The following PPP1R12B variants were observed in gnomAD, a reference collection of about 807,000 sequenced individuals.
PPP1R12B encodes the protein myosin phosphatase target subunit 2.
A neutral mutation model predicts 126.1 loss-of-function variants in PPP1R12B; 76 were observed. The observed-to-expected ratio is 0.60, with a 90% CI of 0.50 to 0.73. The LOEUF (loss-of-function observed/expected upper bound fraction) is 0.73. Among genes scored for constraint, PPP1R12B ranks in the 30% least tolerant of loss-of-function variants. The probability of loss-of-function intolerance (pLI) is 0.00; values close to 1 mark genes in which losing one functional copy is unlikely to be tolerated. For missense variants in PPP1R12B, 1,052 were observed against 1,205.1 expected, an observed-to-expected ratio of 0.87 and a Z score of 1.88; for synonymous variants, 356 against 434.7, an observed-to-expected ratio of 0.82 and a Z score of 2.25.
At chr1:202,383,969 A>G (rs1662745038) in intron 1 of PPP1R12B, among the ~76,000 whole-genome samples, 3 of 152,160 alleles carry the variant, frequency 2.0e-5, no homozygotes, top group Admixed American at 6.6e-5. Context: ...TTGATACATA[A>G]TGTTGAAATA....
In PPP1R12B at chr1:202,524,857, A is replaced by G. The variant is rs1179821222; in HGVS notation, c.2490+28035A>G. Among the ~76,000 whole-genome samples the G allele has an allele frequency of 2.0e-5, 3 of 152,050 alleles. No homozygotes were observed. In the East Asian group the frequency reaches 5.8e-4, roughly 29 times the overall value. ...GCATGTGCAAGTATTTTTTTCGTAT[A>G]ATGACTTCTTAGGAATCCAATTTTA... is the stretch of plus-strand genomic sequence containing the variant. On this transcript the variant is annotated intron_variant, in intron 18 of 23. Transcript: ENST00000608999.
intron 18 of PPP1R12B, among the ~76,000 whole-genome samples, chr1:202,535,239 C>T (rs1166969755): frequency 2.0e-5 from 3 of 152,220 alleles, no homozygotes; most frequent in Non-Finnish European, 2.9e-5. Context: ...CAAATACACA[C>T]CCTTCCCAAA....
chr1:202,580,338 G>A, intron 23 of PPP1R12B, 136 bp from the exon 24 acceptor site: 1 of 627,266 alleles, frequency 1.6e-6, no homozygotes, highest in Non-Finnish European at 2.9e-6. Flanking sequence ...TTCATCCCTG[G>A]GAGAAGGGAC....
At chr1:202,413,865 C>T (rs1667715975) in intron 1 of PPP1R12B, among the ~76,000 whole-genome samples, 1 of 151,932 alleles carries the variant, frequency 6.6e-6, no homozygotes, top group Admixed American at 6.6e-5. Flanking sequence ...TTTTAATAGT[C>T]TGTTCAGACA....
intron 1 of PPP1R12B, among the ~76,000 whole-genome samples, chr1:202,396,492 A>G (rs1424495810): frequency 1.3e-5 from 2 of 152,228 alleles, no homozygotes; most frequent in Non-Finnish European, 2.9e-5. Flanking sequence ...TCACCCATGT[A>G]TAGTAAGCCC....
chr1:202,575,280 A>G, intron 23 of PPP1R12B: 1 of 1,243,554 alleles, frequency 8.0e-7, no homozygotes, highest in Non-Finnish European at 1.1e-6. Flanking sequence ...TTATCTGCAG[A>G]TGGAAGCAGC....
chr1:202,367,935 A>G (rs972814192), intron 1 of PPP1R12B, among the ~76,000 whole-genome samples: 3 of 151,792 alleles, frequency 2.0e-5, no homozygotes, highest in East Asian at 1.9e-4. Context: ...TGTTCTCAAG[A>G]TAGTGAGTGC....
Position 202,566,985 on chromosome 1 carries a change from G to GT in PPP1R12B, c.2758-787dup, listed in dbSNP as rs572046464. Among the ~76,000 whole-genome samples the GT allele has an allele frequency of 3.9e-3, 595 of 152,294 alleles. 1 individual carries two copies. The highest frequency in any genetic ancestry group is 0.014 in the African/African-American group (569 of 41,550). On this transcript the variant is annotated intron_variant, in intron 21 of 23. Coordinates refer to ENST00000608999, the MANE Select transcript of PPP1R12B (RefSeq NM_002481.4). ...CCCTAAGGCCAAAAGGGACTTAAGG[G>GT]TTTTTTATTCCCCTTTTAAGGAAGG...
chr1:202,442,615 G>GC, intron 12 of PPP1R12B, 43 bp downstream of exon 12: 1 of 1,561,636 alleles, frequency 6.4e-7, no homozygotes, highest in Non-Finnish European at 8.7e-7. Context: ...TTTCACTCTA[G>GC]CCATGGGAAA....
intron 1 of PPP1R12B, among the ~76,000 whole-genome samples, chr1:202,387,593 G>T (rs1434954117): frequency 6.6e-6 from 1 of 151,982 alleles, no homozygotes; most frequent in Non-Finnish European, 1.5e-5. Context: ...GATGGTACAA[G>T]ATTTTTTTTT....
At chr1:202,370,980 C>G (rs914706810) in intron 1 of PPP1R12B, among the ~76,000 whole-genome samples, 6 of 148,036 alleles carry the variant, frequency 4.1e-5, no homozygotes, top group Non-Finnish European at 7.4e-5. Flanking sequence ...TTTTTGAACA[C>G]GAGTTCCATT....
At chr1:202,447,766 G>T (rs1030466872) in intron 12 of PPP1R12B, among the ~76,000 whole-genome samples, 10 of 152,148 alleles carry the variant, frequency 6.6e-5, no homozygotes, top group Non-Finnish European at 8.8e-5. Flanking sequence ...TTCAGGTAAG[G>T]TTTGGTTAAG....
At chr1:202,507,905 A>G (rs549034823) in intron 18 of PPP1R12B, among the ~76,000 whole-genome samples, 25 of 152,336 alleles carry the variant, frequency 1.6e-4, no homozygotes, top group African/African-American at 5.3e-4. Context: ...TTCTAGCCCC[A>G]TGATTGAGGT....
In PPP1R12B at chr1:202,564,488, C is replaced by T. The variant is rs767129129; in HGVS notation, c.2698C>T (p.Leu900Phe). ...TGAAAACCAAAAACTGAAAACAAAA[C>T]TTCAGGAAGCCCAGCTAGAGCTAGC... ...LTENQKLKTK[L>F]QEAQLELADI... is the part of the protein sequence containing the mutation. Residue 900 changes from leucine to phenylalanine, a missense_variant, in exon 21 of 24, where the codon CTT becomes TTT. By Grantham distance (22) the Leu-to-Phe change is conservative (BLOSUM62 0). Coordinates refer to ENST00000608999, the MANE Select transcript of PPP1R12B (RefSeq NM_002481.4). 1.2e-6 allele frequency: 2 copies of T among 1,612,804 alleles called. No individual in the cohort carries two copies. The highest frequency in any genetic ancestry group is 1.7e-6 in the Non-Finnish European group (2 of 1,179,500).
At chr1:202,535,645 C>CT (rs1301442512) in intron 18 of PPP1R12B, among the ~76,000 whole-genome samples, 2 of 152,142 alleles carry the variant, frequency 1.3e-5, no homozygotes, top group Non-Finnish European at 2.9e-5. Flanking sequence ...TTTCTTCCCT[C>CT]TTTTTTACCT....
chr1:202,523,871 CGCCCA>C (rs1479992548), intron 18 of PPP1R12B, among the ~76,000 whole-genome samples: 1 of 152,012 alleles, frequency 6.6e-6, no homozygotes, highest in Non-Finnish European at 1.5e-5. Context: ...CATGCCACCA[CGCCCA>C]GCTAATTTTT....
chr1:202,431,710 C>T, intron 8 of PPP1R12B, 91 bp downstream of exon 8: 4 of 1,247,936 alleles, frequency 3.2e-6, no homozygotes, highest in South Asian at 1.8e-5. Flanking sequence ...CCTCACAGGA[C>T]TCCAAAAAGA....
chr1:202,504,938 A>G (rs1466401126), intron 18 of PPP1R12B, among the ~76,000 whole-genome samples: 1 of 152,224 alleles, frequency 6.6e-6, no homozygotes, highest in Non-Finnish European at 1.5e-5. Flanking sequence ...TTATTTTCCA[A>G]ATCTACAAGT....
At chr1:202,425,748 A>G (rs770021338) in intron 4 of PPP1R12B, 23 bp downstream of exon 4, 24 of 1,597,752 alleles carry the variant, frequency 1.5e-5, no homozygotes, top group Non-Finnish European at 2.0e-5. Flanking sequence ...TACATCAATC[A>G]GGAGTGGTTC....
Sources: allele counts gnomAD v4.1 joint callset (sites outside exome capture counted in the v4.1 genomes callset), GRCh38; gene constraint gnomAD v4.1.1; transcripts MANE v1.5; gene names NCBI Gene and HGNC (gene_info 2026-07-23, HGNC 2026-07-21).